PCDHGB1: variants seen among roughly 807,000 people sequenced by gnomAD.
PCDHGB1 encodes the protein protocadherin gamma subfamily B, 1.
PCDHGB1 carries 34 observed loss-of-function variants against 56.6 expected under a neutral mutation model. That is an observed-to-expected ratio of 0.60 (90% CI 0.46 to 0.80). The LOEUF is 0.80. Among genes scored for constraint, PCDHGB1 ranks in the 30% least tolerant of loss-of-function variants. The probability of loss-of-function intolerance (pLI) is 0.00; values close to 1 mark genes in which losing one functional copy is unlikely to be tolerated. For missense variants in PCDHGB1, 1,278 were observed against 1,204.6 expected, an observed-to-expected ratio of 1.06 and a Z score of -0.90; for synonymous variants, 561 against 505.9, an observed-to-expected ratio of 1.11 and a Z score of -1.46.
chr5:141,415,901 C>A, intron 1 of PCDHGB1: 1 of 847,932 alleles, frequency 1.2e-6, no homozygotes, highest in Non-Finnish European at 1.6e-6. Context: ...CTAAGACAGA[C>A]TTCCATACAG....
chr5:141,350,949 C>A lies in PCDHGB1; in HGVS notation c.689C>A (p.Thr230Lys). 1 of 1,614,064 alleles carries A rather than the reference C, an allele frequency of 6.2e-7. No individual in the cohort carries two copies. The highest frequency in any genetic ancestry group is 8.5e-7 in the Non-Finnish European group (1 of 1,179,902). ...SGTTHIWIRVTDANDNAPVFS... is the reference protein window; with the variant it reads ...SGTTHIWIRVKDANDNAPVFS... Reference sequence around the variant, plus strand: ...ACCACCCATATCTGGATCCGAGTTACGGATGCCAATGATAATGCTCCCGTG... The same window carrying A: ...ACCACCCATATCTGGATCCGAGTTAAGGATGCCAATGATAATGCTCCCGTG... The change falls in exon 1 of 4, where the codon ACG becomes AAG. Residue 230 changes from threonine to lysine, a missense_variant. Coordinates refer to ENST00000523390, the MANE Select transcript of PCDHGB1 (RefSeq NM_018922.3).
intron 1 of PCDHGB1, chr5:141,405,545 A>G (rs952875482): frequency 1.6e-6 from 1 of 631,162 alleles, no homozygotes; most frequent in South Asian, 2.0e-5. Flanking sequence ...TCAGCCTCCC[A>G]AGTAGAGTAG....
intron 1 of PCDHGB1, among the ~76,000 whole-genome samples, chr5:141,472,815 C>T (rs1562036829): frequency 1.3e-5 from 2 of 151,596 alleles, no homozygotes; most frequent in East Asian, 1.9e-4. Flanking sequence ...GAGAAACCCC[C>T]GTCTCTACTA....
chr5:141,431,724 T>G lies in PCDHGB1; in HGVS notation c.2410-63083T>G, dbSNP rs758754345. On this transcript the variant is annotated intron_variant, in intron 1 of 3. Transcript: ENST00000523390. The surrounding 1 kb of genome is among the most constrained non-coding windows in gnomAD (Gnocchi z 4.8). ...TTCTACCAGATGGAAGTGCAAGCAA[T>G]GGATAATGCAGGATATTCTGCGCGA... 1 of 1,614,036 alleles carries G rather than the reference T, an allele frequency of 6.2e-7. No individual in the cohort carries two copies. Among genetic ancestry groups the G allele is most frequent in the Non-Finnish European group, 8.5e-7 (1 of 1,180,036 alleles).
At chr5:141,404,524 G>C (rs368795324) in intron 1 of PCDHGB1, 3 of 1,613,938 alleles carry the variant, frequency 1.9e-6, no homozygotes, top group Non-Finnish European at 2.5e-6. Context: ...ACTATGAGCA[G>C]TTTAGAGATT....
At chr5:141,419,354 C>T in intron 1 of PCDHGB1, 3 of 1,613,828 alleles carry the variant, frequency 1.9e-6, no homozygotes, top group Non-Finnish European at 1.7e-6. Flanking sequence ...CCTGGAGTCA[C>T]GAACGCTGTC....
intron 1 of PCDHGB1, chr5:141,371,463 C>A (rs753028927): frequency 6.2e-7 from 1 of 1,613,952 alleles, no homozygotes; most frequent in Non-Finnish European, 8.5e-7. Context: ...CCAACATATA[C>A]AAGAAGATGC....
intron 1 of PCDHGB1, chr5:141,357,115 A>T (rs1435860380): frequency 6.2e-7 from 1 of 1,613,684 alleles, no homozygotes; most frequent in Non-Finnish European, 8.5e-7. Context: ...AGACGCGCTC[A>T]AGCAGAGGCT....
At chr5:141,407,767 G>T (rs1458257073) in intron 1 of PCDHGB1, among the ~76,000 whole-genome samples, 1 of 152,140 alleles carries the variant, frequency 6.6e-6, no homozygotes, top group Non-Finnish European at 1.5e-5. Context: ...GTTTGAAATT[G>T]TGCATAATAG....
At position 141,409,805 on chromosome 5, in the gene PCDHGB1, C is replaced by A. The variant is rs751397816; in HGVS notation, c.2409+57136C>A. On this transcript the variant is annotated intron_variant, in intron 1 of 3. Transcript: ENST00000523390. ...CGCCTTCGCGCTCACGCTGCAGGCC[C>A]GCGACCACGGCTCGCCCACGCTCAG... is the stretch of plus-strand genomic sequence containing the variant. 14 of 1,611,512 alleles carry A rather than the reference C, an allele frequency of 8.7e-6. No homozygotes were observed. Among genetic ancestry groups the A allele is most frequent in the Middle Eastern group, 1.6e-4 (1 of 6,072 alleles).
Position 141,490,509 on chromosome 5 carries a change from G to A in PCDHGB1, c.2410-4298G>A. 6.2e-7 allele frequency: 1 copy of A among 1,614,072 alleles called. No individual in the cohort carries two copies. On this transcript the variant is annotated intron_variant, in intron 1 of 3. Transcript: ENST00000523390. The surrounding 1 kb of genome is among the most constrained non-coding windows in gnomAD (Gnocchi z 5.4). ...AGGCCACATCCCACTATATCATCGA[G>A]CTGCTGGCCAGCGATGCTGGTTCAC...
At chr5:141,365,434 G>C (rs770375441) in intron 1 of PCDHGB1, 7 of 1,614,020 alleles carry the variant, frequency 4.3e-6, no homozygotes, top group Non-Finnish European at 5.9e-6. Flanking sequence ...TAATCGCGCT[G>C]TTTAGCGTAC....
At chr5:141,457,647 T>C (rs929739178) in intron 1 of PCDHGB1, among the ~76,000 whole-genome samples, 6 of 152,256 alleles carry the variant, frequency 3.9e-5, no homozygotes, top group Non-Finnish European at 8.8e-5. Context: ...ATTATTTGCA[T>C]GAAGTGCAGC....
intron 1 of PCDHGB1, chr5:141,367,871 A>G (rs2149916351): frequency 6.6e-6 from 1 of 152,278 alleles, no homozygotes; most frequent in South Asian, 2.1e-4. Flanking sequence ...GTGTAGGTGC[A>G]ATTCTTCTTT....
At chr5:141,389,438 C>G in intron 1 of PCDHGB1, 1 of 1,610,592 alleles carries the variant, frequency 6.2e-7, no homozygotes, top group East Asian at 2.2e-5. Context: ...AGCGCGCCTT[C>G]GACCACGAGC....
intron 1 of PCDHGB1, chr5:141,403,714 C>A: frequency 1.2e-6 from 2 of 1,613,910 alleles, no homozygotes; most frequent in South Asian, 1.1e-5. Context: ...TCCTTGAGAA[C>A]GTGCCCCCAG....
At chr5:141,384,606 A>AGATGGT in intron 1 of PCDHGB1, 1 of 1,614,152 alleles carries the variant, frequency 6.2e-7, no homozygotes, top group Non-Finnish European at 8.5e-7. Context: ...CCCTCCCCAC[A>AGATGGT]GATGGTTCTA....
At chr5:141,404,072 C>T (rs779657331) in intron 1 of PCDHGB1, 1 of 1,613,626 alleles carries the variant, frequency 6.2e-7, no homozygotes, top group Non-Finnish European at 8.5e-7. Flanking sequence ...TGCTCATGAC[C>T]GAGACTCCGG....
At chr5:141,379,831 C>G (rs1242791393) in intron 1 of PCDHGB1, among the ~76,000 whole-genome samples, 1 of 142,262 alleles carries the variant, frequency 7.0e-6, no homozygotes, top group Non-Finnish European at 1.5e-5. Flanking sequence ...TTTGAAGCAT[C>G]AGGAAAAAAA....
Sources: allele counts gnomAD v4.1 joint callset (sites outside exome capture counted in the v4.1 genomes callset), GRCh38; gene constraint gnomAD v4.1.1; non-coding constraint Gnocchi (gnomAD v3.1); transcripts MANE v1.5; gene names NCBI Gene and HGNC (gene_info 2026-07-23, HGNC 2026-07-21).